The following ERBB4 variants were observed in gnomAD, a reference collection of about 807,000 sequenced individuals.
The protein encoded by ERBB4 is receptor tyrosine-protein kinase erbB-4.
In ERBB4, 42 loss-of-function variants were observed where a neutral mutation model predicts 158.0. That is an observed-to-expected ratio of 0.27 (90% CI 0.21 to 0.34). The LOEUF (loss-of-function observed/expected upper bound fraction) is 0.34. ERBB4 is among the 10% of genes least tolerant of loss of function. The pLI is 1.00. For missense variants in ERBB4, 1,333 were observed against 1,624.1 expected (o/e 0.82, Z 3.08); for synonymous variants, 583 against 558.7 (o/e 1.04, Z -0.61).
chr2:212,009,734 T>A (rs1341889302), intron 2 of ERBB4, among the ~76,000 whole-genome samples: 1 of 152,176 alleles, frequency 6.6e-6, no homozygotes, highest in Non-Finnish European at 1.5e-5. Context: ...TTCCTCCCAA[T>A]CTTTCATTAT....
intron 2 of ERBB4, among the ~76,000 whole-genome samples, chr2:212,077,091 A>G (rs1172930185): frequency 1.3e-5 from 2 of 152,034 alleles, no homozygotes; most frequent in Non-Finnish European, 2.9e-5. Flanking sequence ...AAAATGGAAT[A>G]CCACAACACA....
At chr2:212,298,762 C>A (rs16848213) in intron 1 of ERBB4, among the ~76,000 whole-genome samples, 3,547 of 151,702 alleles carry the variant, frequency 0.023, 153 homozygotes, top group African/African-American at 0.081. Flanking sequence ...TGAAATCAGA[C>A]GCAATAGCAA....
intron 1 of ERBB4, among the ~76,000 whole-genome samples, chr2:212,241,244 G>A (rs1422194056): frequency 6.6e-6 from 1 of 151,726 alleles, no homozygotes; most frequent in Non-Finnish European, 1.5e-5. Flanking sequence ...GTGAGAGAGT[G>A]AGGCCCTGTC....
At chr2:212,093,645 G>A (rs1394718623) in intron 2 of ERBB4, among the ~76,000 whole-genome samples, 5 of 152,134 alleles carry the variant, frequency 3.3e-5, no homozygotes, top group South Asian at 2.1e-4. Flanking sequence ...CAACATTGTC[G>A]TATTTAGGGA....
At chr2:211,895,260 T>C (rs1314763841) in intron 3 of ERBB4, among the ~76,000 whole-genome samples, 2 of 152,128 alleles carry the variant, frequency 1.3e-5, no homozygotes, top group Admixed American at 1.3e-4. Flanking sequence ...TCCCCTTATC[T>C]TTTTTGTTGT....
At chr2:211,434,189 T>G (rs772524785) in intron 20 of ERBB4, among the ~76,000 whole-genome samples, 1 of 151,898 alleles carries the variant, frequency 6.6e-6, no homozygotes, top group Non-Finnish European at 1.5e-5. Context: ...GCAGGAAGAG[T>G]GATATGTACT....
At chr2:212,244,633 T>C (rs938812054) in intron 1 of ERBB4, among the ~76,000 whole-genome samples, 1 of 152,140 alleles carries the variant, frequency 6.6e-6, no homozygotes, top group Non-Finnish European at 1.5e-5. Context: ...ACCCATAAAC[T>C]TTCCCTTTCT....
intron 20 of ERBB4, among the ~76,000 whole-genome samples, chr2:211,495,366 T>C (rs2065444218): frequency 6.6e-6 from 1 of 152,148 alleles, no homozygotes; most frequent in African/African-American, 2.4e-5. Context: ...AATGAGAACA[T>C]AATAATTCGC....
intron 3 of ERBB4, among the ~76,000 whole-genome samples, chr2:211,895,067 C>T (rs546077780): frequency 1.3e-5 from 2 of 152,284 alleles, no homozygotes; most frequent in Non-Finnish European, 2.9e-5. Context: ...GTCATTAACC[C>T]TAGTTCCCTT....
chr2:212,191,041 T>C (rs1356114081), intron 1 of ERBB4, among the ~76,000 whole-genome samples: 1 of 152,100 alleles, frequency 6.6e-6, no homozygotes, highest in Non-Finnish European at 1.5e-5. Context: ...GGCATTTTTT[T>C]TTTTTTAGAT....
intron 2 of ERBB4, among the ~76,000 whole-genome samples, chr2:212,097,953 G>A (rs2078977220): frequency 6.6e-6 from 1 of 152,160 alleles, no homozygotes; most frequent in African/African-American, 2.4e-5. Flanking sequence ...TAGATAGAAA[G>A]TAGCCAAAGA....
chr2:212,464,891 A>ATC (rs900849983), intron 1 of ERBB4, among the ~76,000 whole-genome samples: 5 of 117,298 alleles, frequency 4.3e-5, no homozygotes, highest in African/African-American at 1.5e-4. Flanking sequence ...AAAGGGAAAC[A>ATC]TCACACACAC....
rs146343769 is a variant in ERBB4 at position 212,109,614 on chromosome 2, T to C, written c.234+15138A>G. ...TCTGAACATCATAGTCCAAATGAAG[T>C]CTGAGAAGAGCTGTTGAATCTGTGC... On this transcript the variant is annotated intron_variant, in intron 2 of 27. Transcript: ENST00000342788. Among the ~76,000 whole-genome samples, 5 of 152,280 alleles carry C rather than the reference T, an allele frequency of 3.3e-5. No individual in the cohort carries two copies. In the East Asian group the frequency reaches 9.7e-4, roughly 29 times the overall value.
In ERBB4 at chr2:211,826,938, C is replaced by T. The variant is rs568160677; in HGVS notation, c.422-38779G>A. Among the ~76,000 whole-genome samples, 10 of 152,066 alleles carry T rather than the reference C, an allele frequency of 6.6e-5. No homozygotes were observed. The South Asian group carries it at 1.9e-3, about 28-fold the overall frequency. ...TGGCTTTTGTAAAGGACTTGTTCTTCCCTTTTGCATGTGTGTATATATTTA... is the reference window on the plus strand; with the variant it reads ...TGGCTTTTGTAAAGGACTTGTTCTTTCCTTTTGCATGTGTGTATATATTTA... On this transcript the variant is annotated intron_variant, in intron 3 of 27. Coordinates refer to ENST00000342788, the MANE Select transcript of ERBB4 (RefSeq NM_005235.3).
At chr2:211,945,130 C>T (rs1197120093) in intron 3 of ERBB4, among the ~76,000 whole-genome samples, 1 of 152,100 alleles carries the variant, frequency 6.6e-6, no homozygotes, top group Non-Finnish European at 1.5e-5. Flanking sequence ...TTATTTGTTG[C>T]TTTAATCGGG....
At chr2:211,702,304 T>G (rs1025237819) in intron 11 of ERBB4, 138 bp from the exon 12 acceptor site, 12 of 758,686 alleles carry the variant, frequency 1.6e-5, no homozygotes, top group Non-Finnish European at 2.8e-5. Context: ...TAGAATATTG[T>G]TTTTACATGC....
chr2:212,176,414 C>G (rs2081664585), intron 1 of ERBB4, among the ~76,000 whole-genome samples: 1 of 151,938 alleles, frequency 6.6e-6, no homozygotes. Context: ...TACTCACTCT[C>G]CACCCTGTAG....
intron 16 of ERBB4, among the ~76,000 whole-genome samples, chr2:211,639,055 T>C (rs1239990548): frequency 6.6e-6 from 1 of 152,166 alleles, no homozygotes; most frequent in Non-Finnish European, 1.5e-5. Context: ...GGAAGAACTT[T>C]CCTTTTAACA....
intron 1 of ERBB4, among the ~76,000 whole-genome samples, chr2:212,154,464 T>C (rs2080972058): frequency 6.6e-6 from 1 of 152,156 alleles, no homozygotes; most frequent in Non-Finnish European, 1.5e-5. Flanking sequence ...TCTGTAAATA[T>C]TACTCACTTG....
Sources: allele counts gnomAD v4.1 joint callset (sites outside exome capture counted in the v4.1 genomes callset), GRCh38; gene constraint gnomAD v4.1.1; transcripts MANE v1.5; gene names NCBI Gene and HGNC (gene_info 2026-07-23, HGNC 2026-07-21).